ZNF236: variants seen among roughly 807,000 people sequenced by gnomAD.
ZNF236 encodes zinc finger protein 236.
A neutral mutation model predicts 191.2 loss-of-function variants in ZNF236; 50 were observed. That is an observed-to-expected ratio of 0.26 (90% confidence interval 0.21 to 0.33). The LOEUF (loss-of-function observed/expected upper bound fraction) is 0.33. Ranked by LOEUF, ZNF236 falls within the 10% of genes least tolerant of loss-of-function variation. The pLI is 1.00. For synonymous variants in ZNF236, 907 were observed against 928.8 expected, an observed-to-expected ratio of 0.98 and a Z score of 0.43; for missense variants, 1,754 against 2,374.5, an observed-to-expected ratio of 0.74 and a Z score of 5.43.
At chr18:76,930,661 G>A (rs1440544325) in intron 25 of ZNF236, among the ~76,000 whole-genome samples, 2 of 152,130 alleles carry the variant, frequency 1.3e-5, no homozygotes, top group African/African-American at 4.8e-5. Context: ...TCGTGGGCTC[G>A]GCAAGCCTGC....
intron 3 of ZNF236, among the ~76,000 whole-genome samples, chr18:76,856,982 A>G (rs1329184920): frequency 6.6e-6 from 1 of 152,218 alleles, no homozygotes; most frequent in Non-Finnish European, 1.5e-5. Context: ...CAGAACTCGC[A>G]TGGAAGGGAT....
chr18:76,898,227 A>G (rs1977491606), intron 10 of ZNF236: 1 of 152,082 alleles, frequency 6.6e-6, no homozygotes, highest in African/African-American at 2.4e-5. Flanking sequence ...ATTTATTGAG[A>G]TGTAATTTAC....
At chr18:76,930,404 A>G (rs1967814794) in intron 25 of ZNF236, among the ~76,000 whole-genome samples, 1 of 152,152 alleles carries the variant, frequency 6.6e-6, no homozygotes, top group South Asian at 2.1e-4. Flanking sequence ...GTCTTTACCA[A>G]GTTTTTCCAA....
intron 27 of ZNF236, among the ~76,000 whole-genome samples, chr18:76,950,136 G>C (rs190291343): frequency 8.9e-4 from 136 of 152,242 alleles, no homozygotes; most frequent in African/African-American, 3.0e-3. Context: ...TGGGGTGGCC[G>C]TGACGATTTC....
At chr18:76,920,566 GTC>G (rs1268266593) in intron 20 of ZNF236, among the ~76,000 whole-genome samples, 1 of 125,742 alleles carries the variant, frequency 8.0e-6, no homozygotes, top group Admixed American at 7.9e-5. Flanking sequence ...AAAAAAAAAA[GTC>G]TGTTTTCTCT....
At chr18:76,918,327 A>G (rs1246482954) in intron 19 of ZNF236, among the ~76,000 whole-genome samples, 2 of 152,328 alleles carry the variant, frequency 1.3e-5, no homozygotes, top group South Asian at 2.1e-4. Context: ...CCTGATATCA[A>G]ACAGCATAGT....
chr18:76,826,996 A>G (rs879524238), intron 1 of ZNF236, among the ~76,000 whole-genome samples: 4 of 152,046 alleles, frequency 2.6e-5, no homozygotes, highest in Non-Finnish European at 4.4e-5. Flanking sequence ...TCCTGGGTTC[A>G]AGCGATTCTC....
At chr18:76,869,349 A>G (rs1266592244) in intron 4 of ZNF236, among the ~76,000 whole-genome samples, 1 of 152,222 alleles carries the variant, frequency 6.6e-6, no homozygotes, top group Non-Finnish European at 1.5e-5. Context: ...GATTAGAGGA[A>G]CCAAGTAGTT....
rs142125085 is a variant in ZNF236, at chr18:76,904,174, A to T, written c.1895-206A>T. ...AATTTATAAATTAATTTGTAATGTT[A>T]TATTATAAATATATTAATTTATAAT... On this transcript the variant is annotated intron_variant, in intron 11 of 30. Transcript: ENST00000320610. Among the ~76,000 whole-genome samples, 278 of 151,746 alleles carry T rather than the reference A, an allele frequency of 1.8e-3. 1 individual carries two copies. Among genetic ancestry groups the T allele is most frequent in the African/African-American group, 6.5e-3 (270 of 41,470 alleles).
At chr18:76,893,743 G>T (rs577240584) in intron 9 of ZNF236, among the ~76,000 whole-genome samples, 1 of 152,170 alleles carries the variant, frequency 6.6e-6, no homozygotes, top group Non-Finnish European at 1.5e-5. Context: ...AAACTACTGA[G>T]CTCAAGCTAT....
intron 3 of ZNF236, among the ~76,000 whole-genome samples, chr18:76,860,194 C>T (rs991491656): frequency 6.6e-6 from 1 of 152,066 alleles, no homozygotes; most frequent in African/African-American, 2.4e-5. Context: ...TGCGTGAACC[C>T]TCTGTTAGGA....
chr18:76,899,455 CAAAT>C (rs1377585375), intron 11 of ZNF236, among the ~76,000 whole-genome samples: 1 of 152,166 alleles, frequency 6.6e-6, no homozygotes, highest in African/African-American at 2.4e-5. Context: ...GGATTAGAGA[CAAAT>C]AATGTGTAAG....
At chr18:76,903,650 T>G (rs1408923980) in intron 11 of ZNF236, among the ~76,000 whole-genome samples, 2 of 152,112 alleles carry the variant, frequency 1.3e-5, no homozygotes, top group Non-Finnish European at 2.9e-5. Context: ...TGTGTCACCC[T>G]CTTAACGTTC....
intron 11 of ZNF236, among the ~76,000 whole-genome samples, chr18:76,901,009 A>C (rs796655236): frequency 6.6e-5 from 10 of 152,278 alleles, no homozygotes; most frequent in African/African-American, 2.2e-4. Flanking sequence ...TCCTGTGAGA[A>C]TCTAACACTC....
At chr18:76,955,922 A>G (rs748294152) in intron 27 of ZNF236, 63 bp from the exon 28 acceptor site, 5 of 1,525,550 alleles carry the variant, frequency 3.3e-6, no homozygotes, top group Non-Finnish European at 4.5e-6. Flanking sequence ...GGTGTGTGTC[A>G]GTTCACAAAC....
At chr18:76,918,680 A>G (rs1967446383) in intron 19 of ZNF236, among the ~76,000 whole-genome samples, 1 of 152,060 alleles carries the variant, frequency 6.6e-6, no homozygotes, top group Non-Finnish European at 1.5e-5. Context: ...TTGGCCTCCC[A>G]ATATGCTGGG....
chr18:76,881,241 G>T, intron 8 of ZNF236, 43 bp from the exon 9 acceptor site: 1 of 1,556,754 alleles, frequency 6.4e-7, no homozygotes, highest in Non-Finnish European at 8.8e-7. Flanking sequence ...GGCAGAGTTG[G>T]GCCATCGTTA....
At chr18:76,917,751 G>A (rs8098559) in intron 19 of ZNF236, among the ~76,000 whole-genome samples, 1 of 152,168 alleles carries the variant, frequency 6.6e-6, no homozygotes, top group African/African-American at 2.4e-5. Flanking sequence ...AATGTTAACA[G>A]AGTTACCTCC....
intron 26 of ZNF236, among the ~76,000 whole-genome samples, chr18:76,946,413 C>T (rs1236024871): frequency 6.6e-6 from 1 of 152,188 alleles, no homozygotes; most frequent in Non-Finnish European, 1.5e-5. Flanking sequence ...TTATCAGCAG[C>T]GTGAAAACGG....
Sources: gnomAD v4.1 joint callset for allele counts (sites outside exome capture counted in the v4.1 genomes callset) on GRCh38, gnomAD v4.1.1 for gene constraint, MANE v1.5 for transcripts, NCBI Gene and HGNC (gene_info 2026-07-23, HGNC 2026-07-21) for gene names.